The following LIPA variants were observed in gnomAD, a reference collection of about 807,000 sequenced individuals.
LIPA encodes lysosomal acid lipase/cholesteryl ester hydrolase.
In LIPA, 26 loss-of-function variants were observed where a neutral mutation model predicts 40.6. That is an observed-to-expected ratio of 0.64 (90% CI 0.47 to 0.89). The LOEUF is 0.89. Among genes scored for constraint, LIPA ranks in the 40% least tolerant of loss-of-function variants. The pLI is 0.00. For synonymous variants in LIPA, 188 were observed against 168.4 expected, an observed-to-expected ratio of 1.12 and a Z score of -0.90; for missense variants, 455 against 479.6, an observed-to-expected ratio of 0.95 and a Z score of 0.48.
intron 2 of LIPA, chr10:89,404,033 AGCTCCTC>A: frequency 5.2e-6 from 1 of 193,984 alleles, no homozygotes; most frequent in South Asian, 1.5e-4. Context: ...TAAAATCCTT[AGCTCCTC>A]CACCAACTGA....
chr10:89,230,120 C>T (rs1236099914), intron 3 of LIPA, among the ~76,000 whole-genome samples: 3 of 152,224 alleles, frequency 2.0e-5, no homozygotes, highest in Middle Eastern at 3.4e-3. Context: ...CCAAAGAAAC[C>T]TGACCTCAAG....
At chr10:89,238,060 A>G (rs1842926848) in intron 3 of LIPA, among the ~76,000 whole-genome samples, 1 of 152,274 alleles carries the variant, frequency 6.6e-6, no homozygotes, top group Admixed American at 6.5e-5. Context: ...CTGAAACAAT[A>G]AATTCCTGCT....
chr10:89,392,987 G>A (rs1003194984), intron 2 of LIPA: 20 of 710,450 alleles, frequency 2.8e-5, no homozygotes, highest in East Asian at 2.0e-4. Flanking sequence ...TGGGAAAAGA[G>A]TTTTGCAGGA....
intron 2 of LIPA, chr10:89,383,525 C>G: frequency 1.9e-6 from 3 of 1,614,130 alleles, no homozygotes; most frequent in Non-Finnish European, 2.5e-6. Context: ...AATGAGGAAG[C>G]CCTGGTCAGC....
At chr10:89,405,971 A>C (rs1009566422) in intron 2 of LIPA, 2 of 152,150 alleles carry the variant, frequency 1.3e-5, no homozygotes, top group African/African-American at 4.8e-5. Context: ...TTTTGCTTCA[A>C]TTATTTAATA....
intron 1 of LIPA, among the ~76,000 whole-genome samples, chr10:89,275,269 C>A (rs910525959): frequency 3.9e-5 from 6 of 152,162 alleles, no homozygotes; most frequent in Non-Finnish European, 7.3e-5. Flanking sequence ...CTTGGTGTAC[C>A]AGACCTGCAA....
Position 89,225,163 on chromosome 10 carries a change from G to C in LIPA, c.604C>G (p.Pro202Ala). 6.2e-7 allele frequency: 1 copy of C among 1,614,168 alleles called. No individual in the cohort carries two copies. The highest frequency in any genetic ancestry group is 8.5e-7 in the Non-Finnish European group (1 of 1,180,008). ...KRIKMFFALG[P>A]VASVAFCTSP... Reference sequence around the variant, plus strand: ...GTACAGAAGGCGACGGAAGCCACAGGACCCAGGGCAAAAAACATTTTAATC... The same window carrying C: ...GTACAGAAGGCGACGGAAGCCACAGCACCCAGGGCAAAAAACATTTTAATC... The change falls in exon 6 of 10, where the codon CCT becomes GCT. Residue 202 changes from proline (P) to alanine (A), a missense_variant. Coordinates refer to ENST00000336233, the MANE Select transcript of LIPA (RefSeq NM_000235.4).
chr10:89,297,163 G>C (rs1843420060), intron 1 of LIPA, among the ~76,000 whole-genome samples: 1 of 152,198 alleles, frequency 6.6e-6, no homozygotes, highest in Non-Finnish European at 1.5e-5. Context: ...CAGGATAACA[G>C]AGGGCCTTGG....
At chr10:89,405,354 T>G (rs1345478396) in intron 2 of LIPA, 1 of 152,220 alleles carries the variant, frequency 6.6e-6, no homozygotes, top group Non-Finnish European at 1.5e-5. Flanking sequence ...TCATATTTTA[T>G]TGAAAGGCAA....
At position 89,342,272 on chromosome 10, in the gene LIPA, TATTATAAG is replaced by T. The variant is rs1843878706; in HGVS notation, c.-2+331_-2+338del. On this transcript the variant is annotated intron_variant, in intron 1 of 5. Coordinates refer to the LIPA transcript ENST00000282673. ...ATACCACAGATGATCACCCTTAAGA[TATTATAAG>T]ATGGGCAGAGAGCACAGACTTCCAC... Among the ~76,000 whole-genome samples, 2 of 152,144 alleles carry T rather than the reference TATTATAAG, an allele frequency of 1.3e-5. 1 individual carries two copies. Among genetic ancestry groups the T allele is most frequent in the South Asian group, 4.1e-4 (2 of 4,832 alleles).
chr10:89,359,339 TA>T (rs1465890327), intron 2 of LIPA, among the ~76,000 whole-genome samples: 1 of 152,242 alleles, frequency 6.6e-6, no homozygotes, highest in Non-Finnish European at 1.5e-5. Context: ...TAATTAAAAA[TA>T]AAAATAAATG....
At chr10:89,363,654 G>A (rs2133593436) in intron 2 of LIPA, among the ~76,000 whole-genome samples, 1 of 151,722 alleles carries the variant, frequency 6.6e-6, no homozygotes, top group African/African-American at 2.4e-5. Context: ...GCAGGCACCT[G>A]TTGTCCCAGC....
chr10:89,287,484 TC>T (rs958432193), intron 1 of LIPA, among the ~76,000 whole-genome samples: 20 of 152,118 alleles, frequency 1.3e-4, no homozygotes, highest in African/African-American at 4.6e-4. Flanking sequence ...ATTATCTGCT[TC>T]CCTGACTATT....
intron 2 of LIPA, chr10:89,383,801 G>C (rs1475252099): frequency 3.1e-6 from 5 of 1,614,206 alleles, no homozygotes; most frequent in Non-Finnish European, 3.4e-6. Flanking sequence ...GCCAAGACCT[G>C]CTTTGAAAAG....
At chr10:89,378,761 C>T (rs1398941254) in intron 2 of LIPA, among the ~76,000 whole-genome samples, 1 of 152,162 alleles carries the variant, frequency 6.6e-6, no homozygotes, top group Non-Finnish European at 1.5e-5. Context: ...TATGTAGAGG[C>T]AAGTTTCCTA....
intron 8 of LIPA, among the ~76,000 whole-genome samples, chr10:89,216,400 T>G (rs975419028): frequency 3.6e-5 from 5 of 137,024 alleles, no homozygotes; most frequent in Admixed American, 2.1e-4. Context: ...GGTAGCTACA[T>G]ATATATATAC....
At chr10:89,396,265 C>T (rs956928032) in intron 2 of LIPA, among the ~76,000 whole-genome samples, 2 of 152,108 alleles carry the variant, frequency 1.3e-5, no homozygotes, top group Non-Finnish European at 2.9e-5. Context: ...TGCCTTAGTC[C>T]TTTTTGTGTT....
rs199626090 is a variant in LIPA at position 89,248,442 on chromosome 10, ATATTTATT to A, written c.-1-801_-1-794del. Among the ~76,000 whole-genome samples, 645 of 136,348 alleles carry A rather than the reference ATATTTATT, an allele frequency of 4.7e-3. 3 individuals carry two copies. The highest frequency in any genetic ancestry group is 7.2e-3 in the Non-Finnish European group (451 of 63,046). 89.4% of individuals were successfully genotyped at this position (136,348 alleles called of 152,430 possible). A position where few individuals can be genotyped will look rare whatever the true frequency, so the allele number is the denominator to read the frequency against. ...AAGGAATTATTATTATTATTATTTT[ATATTTATT>A]TATTTATTTATTTATTTATTTATTT... On this transcript the variant is annotated intron_variant, in intron 1 of 9. Transcript: ENST00000336233.
At chr10:89,249,608 G>A (rs1348663347) in intron 1 of LIPA, among the ~76,000 whole-genome samples, 1 of 151,862 alleles carries the variant, frequency 6.6e-6, no homozygotes, top group African/African-American at 2.4e-5. Context: ...AAATAATTAT[G>A]CCAAAAGAAG....
Sources: allele counts gnomAD v4.1 joint callset (sites outside exome capture counted in the v4.1 genomes callset), GRCh38; gene constraint gnomAD v4.1.1; transcripts MANE v1.5; gene names NCBI Gene and HGNC (gene_info 2026-07-23, HGNC 2026-07-21).